The following GRIP1 variants were observed in gnomAD, a reference collection of about 807,000 sequenced individuals.
GRIP1 encodes the protein glutamate receptor-interacting protein 1.
GRIP1 carries 45 observed loss-of-function variants against 129.9 expected under a neutral mutation model. That is an observed-to-expected ratio of 0.35 (90% confidence interval 0.27 to 0.44). GRIP1 has a LOEUF of 0.44. Among genes scored for constraint, GRIP1 ranks in the 20% least tolerant of loss-of-function variants. The probability of loss-of-function intolerance (pLI) is 1.00; values close to 1 mark genes in which losing one functional copy is unlikely to be tolerated. For synonymous variants in GRIP1, 530 were observed against 520.8 expected (o/e 1.02, Z -0.24); for missense variants, 1,196 against 1,396.8 (o/e 0.86, Z 2.29).
At chr12:66,985,647 ATTT>A (rs989895309) in intron 1 of GRIP1, among the ~76,000 whole-genome samples, 2 of 152,088 alleles carry the variant, frequency 1.3e-5, no homozygotes, top group Non-Finnish European at 2.9e-5. Context: ...TAAAGATTAA[ATTT>A]TTCTCTCATC....
intron 1 of GRIP1, among the ~76,000 whole-genome samples, chr12:66,710,438 C>A (rs907245296): frequency 6.6e-6 from 1 of 151,952 alleles, no homozygotes; most frequent in Non-Finnish European, 1.5e-5. Context: ...GTGCTTCTTT[C>A]ACATCTTGAA....
chr12:66,832,450 T>C (rs1295747761), intron 1 of GRIP1, among the ~76,000 whole-genome samples: 1 of 152,176 alleles, frequency 6.6e-6, no homozygotes, highest in Non-Finnish European at 1.5e-5. Context: ...TGCTTAATAT[T>C]GTATTCATTC....
At chr12:66,462,313 T>A (rs73137534) in intron 9 of GRIP1, among the ~76,000 whole-genome samples, 220 of 152,358 alleles carry the variant, frequency 1.4e-3, no homozygotes, top group Non-Finnish European at 2.7e-3. Flanking sequence ...GGTTCTGCTA[T>A]TAAAATCCAC....
intron 7 of GRIP1, among the ~76,000 whole-genome samples, chr12:66,485,234 T>C (rs2059920026): frequency 6.6e-6 from 1 of 152,186 alleles, no homozygotes; most frequent in African/African-American, 2.4e-5. Flanking sequence ...GTTGAGTGTG[T>C]AGTGGTATCA....
At chr12:66,761,801 C>T (rs1158938801) in intron 1 of GRIP1, among the ~76,000 whole-genome samples, 2 of 152,050 alleles carry the variant, frequency 1.3e-5, no homozygotes, top group Admixed American at 1.3e-4. Context: ...AGAATCAAAC[C>T]CCAGCTTCCT....
At chr12:66,523,432 C>T (rs575949698) in intron 5 of GRIP1, among the ~76,000 whole-genome samples, 3,379 of 149,140 alleles carry the variant, frequency 0.023, 127 homozygotes, top group African/African-American at 0.081. Flanking sequence ...CCAAACTAAG[C>T]TTCATAAGTG....
intron 1 of GRIP1, among the ~76,000 whole-genome samples, chr12:66,692,603 G>A (rs560422497): frequency 1.3e-5 from 2 of 152,294 alleles, no homozygotes; most frequent in Admixed American, 1.3e-4. Context: ...GAGATGATGA[G>A]ATGGATTTTA....
At chr12:66,827,972 C>A (rs550176931) in intron 1 of GRIP1, among the ~76,000 whole-genome samples, 1 of 152,314 alleles carries the variant, frequency 6.6e-6, no homozygotes, top group South Asian at 2.1e-4. Flanking sequence ...ACGACACTGT[C>A]TTTCCATGGT....
At chr12:66,512,085 A>G (rs1592458515) in intron 7 of GRIP1, among the ~76,000 whole-genome samples, 1 of 152,136 alleles carries the variant, frequency 6.6e-6, no homozygotes, top group Non-Finnish European at 1.5e-5. Context: ...TTGCTTCTCC[A>G]TGATTGTTAA....
chr12:66,510,644 A>T (rs888635867), intron 7 of GRIP1, among the ~76,000 whole-genome samples: 1 of 152,138 alleles, frequency 6.6e-6, no homozygotes, highest in African/African-American at 2.4e-5. Context: ...AACTTTATTT[A>T]ATAAAACTGA....
rs112624942 is a variant in GRIP1 at position 67,060,752 on chromosome 12, G to A, written c.58+8298C>T. Among the ~76,000 whole-genome samples, 255 of 151,046 alleles carry A rather than the reference G, an allele frequency of 1.7e-3. 1 individual carries two copies. The highest frequency in any genetic ancestry group is 9.3e-3 in the Admixed American group (140 of 15,128). On this transcript the variant is annotated intron_variant, in intron 1 of 1. Transcript: ENST00000643019. Reference sequence around the variant, plus strand: ...GCAGGAGAACTTCTTGAACCCAGGAGGTGGAGGTTGCAGTGAGCCGGGAAC... The same window carrying A: ...GCAGGAGAACTTCTTGAACCCAGGAAGTGGAGGTTGCAGTGAGCCGGGAAC...
chr12:66,561,754 T>G (rs1004664108), intron 2 of GRIP1, among the ~76,000 whole-genome samples: 4 of 152,140 alleles, frequency 2.6e-5, no homozygotes, highest in East Asian at 1.9e-4. Flanking sequence ...TTATTGACTT[T>G]AAGGTGCCAG....
intron 1 of GRIP1, among the ~76,000 whole-genome samples, chr12:66,773,030 A>C (rs2037868963): frequency 6.6e-6 from 1 of 152,168 alleles, no homozygotes; most frequent in African/African-American, 2.4e-5. Context: ...TGTTAAGGAA[A>C]TTCAAGAGGA....
chr12:66,352,098 G>A (rs2054255463), intron 24 of GRIP1, among the ~76,000 whole-genome samples: 1 of 152,190 alleles, frequency 6.6e-6, no homozygotes, highest in Non-Finnish European at 1.5e-5. Flanking sequence ...TTATGTGACA[G>A]CATTGTTCTT....
At chr12:66,626,341 A>AG (rs1190729028) in intron 1 of GRIP1, among the ~76,000 whole-genome samples, 1 of 34,422 alleles carries the variant, frequency 2.9e-5, no homozygotes, top group Non-Finnish European at 8.9e-5. Flanking sequence ...CCCCATCTCC[A>AG]AAAAAAAAAA....
chr12:67,048,921 T>C (rs563379629), intron 1 of GRIP1, among the ~76,000 whole-genome samples: 1 of 152,266 alleles, frequency 6.6e-6, no homozygotes, highest in East Asian at 1.9e-4. Context: ...TTTTTCTTCT[T>C]AGTCTTAGGT....
intron 1 of GRIP1, among the ~76,000 whole-genome samples, chr12:67,040,057 T>C (rs2043152665): frequency 6.6e-6 from 1 of 152,144 alleles, no homozygotes; most frequent in African/African-American, 2.4e-5. Context: ...AGTCCCACTT[T>C]TTAACTGACA....
intron 1 of GRIP1, among the ~76,000 whole-genome samples, chr12:66,660,024 C>T (rs1175918852): frequency 6.6e-6 from 1 of 152,146 alleles, no homozygotes; most frequent in Non-Finnish European, 1.5e-5. Flanking sequence ...AATCAATGTT[C>T]ATGCTTCTTT....
At chr12:66,881,142 T>C (rs905235817) in intron 1 of GRIP1, among the ~76,000 whole-genome samples, 1 of 151,946 alleles carries the variant, frequency 6.6e-6, no homozygotes, top group African/African-American at 2.4e-5. Flanking sequence ...GTAAACAGAG[T>C]TCCTTTAAAG....
Sources: allele counts gnomAD v4.1 joint callset (sites outside exome capture counted in the v4.1 genomes callset), GRCh38; gene constraint gnomAD v4.1.1; transcripts MANE v1.5; gene names NCBI Gene and HGNC (gene_info 2026-07-23, HGNC 2026-07-21).